Variants in TENM1 observed in about 807,000 individuals in gnomAD.
TENM1 encodes the protein teneurin-1.
Under a neutral mutation model 174.8 loss-of-function variants are expected in TENM1, and 35 were observed. The observed-to-expected ratio is 0.20, with a 90% confidence interval of 0.15 to 0.27. The LOEUF (loss-of-function observed/expected upper bound fraction) is 0.27, where lower values mean the gene tolerates loss of function less well. Among genes scored for constraint, TENM1 ranks in the 10% least tolerant of loss-of-function variants. The pLI is 1.00. For synonymous variants in TENM1, 781 were observed against 798.7 expected (o/e 0.98, Z 0.37); for missense variants, 1,633 against 2,130.1 (o/e 0.77, Z 4.59).
chrX:125,010,016 A>G, the TENM1 span, among the ~76,000 whole-genome samples: 1 of 111,587 alleles, frequency 9.0e-6, no homozygotes, highest in African/African-American at 3.3e-5. Context: ...CAACACAGTA[A>G]TGGAAGTTCT....
chrX:124,585,963 TAC>T lies in TENM1; in HGVS notation c.2078-20405_2078-20404del, dbSNP rs1004063624. Reference sequence around the variant, plus strand: ...AGAGATGGATAAATTCCTCGACACATACACCCTCCCAAGACTAAACCAGGAAG... The same window carrying T: ...AGAGATGGATAAATTCCTCGACACATACCCTCCCAAGACTAAACCAGGAAG... On this transcript the variant is annotated intron_variant, in intron 11 of 31. Transcript: ENST00000422452. 1.9e-4 allele frequency among the ~76,000 whole-genome samples: 21 copies of T among 110,215 alleles called. 1 individual carries two copies. The highest frequency in any genetic ancestry group is 6.8e-4 in the African/African-American group (20 of 29,544).
chrX:124,624,263 G>GT (rs2050586406), intron 11 of TENM1, among the ~76,000 whole-genome samples: 1 of 111,419 alleles, frequency 9.0e-6, no homozygotes, highest in African/African-American at 3.3e-5. Context: ...GACCTTCCTA[G>GT]TATTTATATC....
chrX:124,443,066 G>A (rs2060924817), intron 23 of TENM1, among the ~76,000 whole-genome samples: 1 of 70,630 alleles, frequency 1.4e-5, no homozygotes, highest in East Asian at 7.2e-4. Flanking sequence ...GTGTGTGTGT[G>A]TGTGTGTGTG....
intron 14 of TENM1, among the ~76,000 whole-genome samples, chrX:124,553,500 CAA>C (rs1345991005): frequency 1.8e-4 from 14 of 79,536 alleles, no homozygotes; most frequent in Non-Finnish European, 1.7e-4. Context: ...AACTCCATCT[CAA>C]AAAAAAAAAA....
chrX:125,075,990 G>A, the TENM1 span, among the ~76,000 whole-genome samples: 4 of 111,682 alleles, frequency 3.6e-5, no homozygotes, highest in South Asian at 1.5e-3. Flanking sequence ...AGAGTAAGGA[G>A]TGCATGGTAT....
chrX:124,403,022 T>C (rs1334951593), intron 27 of TENM1, among the ~76,000 whole-genome samples: 1 of 111,822 alleles, frequency 8.9e-6, no homozygotes, highest in East Asian at 2.8e-4. Context: ...GTTTGATATT[T>C]GGATTGGTTT....
intron 1 of TENM1, among the ~76,000 whole-genome samples, chrX:124,907,253 A>G (rs1326738625): frequency 8.9e-6 from 1 of 112,267 alleles, no homozygotes; most frequent in East Asian, 2.8e-4. Flanking sequence ...AAATGGACAG[A>G]TCAATTTCTC....
At chrX:124,820,908 T>C (rs898023112) in intron 3 of TENM1, among the ~76,000 whole-genome samples, 1 of 112,488 alleles carries the variant, frequency 8.9e-6, no homozygotes, top group Non-Finnish European at 1.9e-5. Context: ...TTTTGTTAAG[T>C]ACATGTTGTC....
intron 3 of TENM1, among the ~76,000 whole-genome samples, chrX:124,822,745 G>A (rs917265963): frequency 1.8e-5 from 2 of 111,867 alleles, no homozygotes; most frequent in Admixed American, 1.9e-4. Context: ...CCGAGCGAAG[G>A]ACTGGGACAT....
At chrX:124,542,911 T>A (rs774468475) in intron 15 of TENM1, among the ~76,000 whole-genome samples, 1 of 112,314 alleles carries the variant, frequency 8.9e-6, no homozygotes, top group South Asian at 3.7e-4. Flanking sequence ...TTTAAACCAC[T>A]ATAATAAAAG....
At chrX:124,550,968 C>T (rs1345418495) in intron 14 of TENM1, among the ~76,000 whole-genome samples, 1 of 111,821 alleles carries the variant, frequency 8.9e-6, no homozygotes, top group Non-Finnish European at 1.9e-5. Context: ...CCATGTTGGC[C>T]AGGCTGGTCT....
At chrX:124,955,797 G>GCACACACACACACACACA (rs376755403) in intron 1 of TENM1, among the ~76,000 whole-genome samples, 272 of 91,248 alleles carry the variant, frequency 3.0e-3, no homozygotes, top group Non-Finnish European at 4.7e-3. Flanking sequence ...ACACGCGCAC[G>GCACACACACACACACACA]CACACACACA....
intron 21 of TENM1, 101 bp from the exon 25 acceptor site, chrX:124,482,065 T>C (rs1358022767): frequency 4.2e-6 from 2 of 473,758 alleles, no homozygotes; most frequent in Middle Eastern, 3.5e-4. Flanking sequence ...GATAGATGAG[T>C]GAATTCATTT....
rs2048445673 is a variant in TENM1, at chrX:124,546,976, A to T, written c.2549T>A (p.Leu850His). The T allele has an allele frequency of 2.5e-6, 3 of 1,211,209 alleles. No individual in the cohort carries two copies. In the East Asian group the frequency reaches 8.9e-5, roughly 36 times the overall value. ...AAGTCTTGAAGTGTGCTGAGAGAAG[A>T]GAGTTTGGCTTTGCTGAATGAGGTC... The change falls in exon 15 of 32, where the codon CTC (leucine) becomes CAC (histidine). Residue 850 changes from leucine (L) to histidine (H), a missense_variant. Leu to His is a moderately conservative substitution (Grantham distance 99, BLOSUM62 -3). Around this residue, in one of 4 missense-constraint regions of TENM1, gnomAD observed 449 missense variants for 636.2 expected, o/e 0.71. Transcript: ENST00000422452.
At position 124,736,082 on chromosome X, in the gene TENM1, A is replaced by G. The variant is rs1603095480; in HGVS notation, c.776+875T>C. On this transcript the variant is annotated intron_variant, in intron 4 of 31. Transcript: ENST00000422452. ...GCACATGTATCCCCGAATCTATAAA[A>G]ATAAAACAAAAATAAAAGCTTCCAT... is the stretch of plus-strand genomic sequence containing the variant. Among the ~76,000 whole-genome samples the G allele has an allele frequency of 4.5e-5, 5 of 112,061 alleles. No homozygotes were observed. In the South Asian group the frequency reaches 1.9e-3, roughly 42 times the overall value.
intron 5 of TENM1, among the ~76,000 whole-genome samples, chrX:124,691,976 T>C (rs1422573954): frequency 1.8e-5 from 2 of 112,047 alleles, no homozygotes; most frequent in African/African-American, 3.2e-5. Context: ...AAATTACAGA[T>C]AGAAGGGCTT....
chrX:124,552,932 C>T (rs1193958109), intron 14 of TENM1, among the ~76,000 whole-genome samples: 2 of 111,583 alleles, frequency 1.8e-5, no homozygotes, highest in East Asian at 5.6e-4. Flanking sequence ...CCCCGTCCTA[C>T]ACTCCCTGTC....
At chrX:124,581,434 C>T (rs1412708622) in intron 11 of TENM1, among the ~76,000 whole-genome samples, 1 of 30,212 alleles carries the variant, frequency 3.3e-5, no homozygotes, top group East Asian at 1.1e-3. Flanking sequence ...TTTATCCAAG[C>T]CTCCATTGAT....
At chrX:124,684,996 C>A (rs2052324416) in intron 5 of TENM1, among the ~76,000 whole-genome samples, 1 of 111,063 alleles carries the variant, frequency 9.0e-6, no homozygotes, top group Admixed American at 9.6e-5. Context: ...CCTGCTGGTC[C>A]ACACAGAATC....
Sources: allele counts gnomAD v4.1 joint callset (sites outside exome capture counted in the v4.1 genomes callset), GRCh38; gene constraint gnomAD v4.1.1; regional missense constraint gnomAD v4.1.1; transcripts MANE v1.5; gene names NCBI Gene and HGNC (gene_info 2026-07-23, HGNC 2026-07-21).